PLCE1: variants seen among roughly 807,000 people sequenced by gnomAD.
The protein encoded by PLCE1 is 1-phosphatidylinositol 4,5-bisphosphate phosphodiesterase epsilon-1.
A neutral mutation model predicts 242.8 loss-of-function variants in PLCE1; 119 were observed. The observed-to-expected ratio is 0.49, with a 90% confidence interval of 0.42 to 0.57. The LOEUF (loss-of-function observed/expected upper bound fraction) is 0.57, where lower values mean the gene tolerates loss of function less well. Among genes scored for constraint, PLCE1 ranks in the 20% least tolerant of loss-of-function variants. The pLI is 0.00. For synonymous variants in PLCE1, 945 were observed against 1,017.4 expected (o/e 0.93, Z 1.35); for missense variants, 2,441 against 2,788.8 (o/e 0.88, Z 2.81).
Position 94,246,542 on chromosome 10 carries a change from C to G in PLCE1, c.3017C>G (p.Thr1006Ser). 6.2e-7 allele frequency: 1 copy of G among 1,614,130 alleles called. No individual in the cohort carries two copies. Among genetic ancestry groups the G allele is most frequent in the Non-Finnish European group, 8.5e-7 (1 of 1,179,966 alleles). ...KMLFSGLLEL[T>S]RAVRKMRKFP... The stretch of plus-strand genomic sequence containing the variant: ...CTCTTCAGCGGATTATTGGAACTCA[C>G]TAGAGCTGTGAGAAAGATGAGGAAA... Residue 1006 changes from threonine (T) to serine (S), a missense_variant, in exon 8 of 33, where the codon ACT (threonine) becomes AGT (serine). Coordinates refer to ENST00000371380, the MANE Select transcript of PLCE1 (RefSeq NM_016341.4).
At chr10:94,019,767 A>G (rs545769656) in intron 1 of PLCE1, among the ~76,000 whole-genome samples, 1 of 148,910 alleles carries the variant, frequency 6.7e-6, no homozygotes, top group African/African-American at 2.6e-5. Flanking sequence ...AACTTCAAAT[A>G]AATAGATGCA....
At chr10:94,178,617 G>T (rs940630485) in intron 4 of PLCE1, among the ~76,000 whole-genome samples, 1 of 152,188 alleles carries the variant, frequency 6.6e-6, no homozygotes, top group African/African-American at 2.4e-5. Context: ...GTAAAGAGTA[G>T]TAAGAATAAA....
At chr10:94,001,064 G>A (rs1409452195) in intron 1 of PLCE1, among the ~76,000 whole-genome samples, 1 of 152,150 alleles carries the variant, frequency 6.6e-6, no homozygotes, top group Non-Finnish European at 1.5e-5. Context: ...AAGCCAAAAA[G>A]GCTCATAGGT....
chr10:94,149,233 G>A (rs900661780), intron 3 of PLCE1, among the ~76,000 whole-genome samples: 7 of 152,164 alleles, frequency 4.6e-5, no homozygotes, highest in African/African-American at 9.7e-5. Context: ...TGGCACAGTC[G>A]GCATAGCCAG....
chr10:94,161,613 T>G (rs1451171156), intron 3 of PLCE1, among the ~76,000 whole-genome samples: 1 of 152,232 alleles, frequency 6.6e-6, no homozygotes, highest in Non-Finnish European at 1.5e-5. Flanking sequence ...AGGGACAATT[T>G]GACTTCTTCT....
intron 4 of PLCE1, among the ~76,000 whole-genome samples, chr10:94,210,163 G>A (rs147675622): frequency 7.6e-4 from 114 of 150,366 alleles, no homozygotes; most frequent in African/African-American, 2.6e-3. Context: ...AAGATGTCAC[G>A]TTTTAATATT....
intron 3 of PLCE1, among the ~76,000 whole-genome samples, chr10:94,154,498 A>G (rs1564737996): frequency 6.6e-6 from 1 of 152,234 alleles, no homozygotes; most frequent in African/African-American, 2.4e-5. Flanking sequence ...ATCAAAGGAC[A>G]CTATCAACAG....
In PLCE1 at chr10:94,308,671, C is replaced by T. The variant is rs1350630025; in HGVS notation, c.5975C>T (p.Ser1992Phe). Residue 1992 changes from serine to phenylalanine, a missense_variant, in exon 27 of 33, where the codon TCC becomes TTC. Ser to Phe is a radical substitution (Grantham distance 155). This residue lies in a region of PLCE1 where 1,004 missense variants were observed against 1,322.7 expected (regional missense o/e 0.76). Transcript: ENST00000371380. ...FINSRRMEEN[S>F]SGNTMSASSM... is the part of the protein sequence containing the mutation. ...AACAGCAGAAGGATGGAAGAAAATT[C>T]CTCTGGCAATACCATGTCAGCCTCT... The T allele has an allele frequency of 1.9e-6, 3 of 1,607,366 alleles. No homozygotes were observed. In the Admixed American group the frequency reaches 5.0e-5, roughly 27 times the overall value.
At chr10:94,243,594 C>T (rs2050582546) in intron 7 of PLCE1, among the ~76,000 whole-genome samples, 2 of 152,122 alleles carry the variant, frequency 1.3e-5, no homozygotes, top group Non-Finnish European at 2.9e-5. Context: ...CTAAAACTAT[C>T]CTAAAATTAA....
chr10:94,203,344 T>TA (rs1334353832), intron 4 of PLCE1, among the ~76,000 whole-genome samples: 1 of 152,214 alleles, frequency 6.6e-6, no homozygotes, highest in Non-Finnish European at 1.5e-5. Flanking sequence ...GACCCATCTT[T>TA]ACATTTGCTA....
chr10:94,022,912 A>G (rs183206469), intron 1 of PLCE1, among the ~76,000 whole-genome samples: 1 of 152,270 alleles, frequency 6.6e-6, no homozygotes, highest in Non-Finnish European at 1.5e-5. Context: ...ATTAAGACTA[A>G]CTATATGTCT....
intron 4 of PLCE1, among the ~76,000 whole-genome samples, chr10:94,188,767 G>A (rs978207177): frequency 3.3e-5 from 5 of 151,912 alleles, no homozygotes; most frequent in South Asian, 2.1e-4. Flanking sequence ...CACCACTCCC[G>A]GCTAATTTTT....
chr10:94,186,055 T>A lies in PLCE1; in HGVS notation c.1809+14559T>A, dbSNP rs1485597012. 2.0e-5 allele frequency among the ~76,000 whole-genome samples: 3 copies of A among 152,354 alleles called. No individual in the cohort carries two copies. In the East Asian group the frequency reaches 5.8e-4, roughly 29 times the overall value. On this transcript the variant is annotated intron_variant, in intron 4 of 32. Coordinates refer to ENST00000371380, the MANE Select transcript of PLCE1 (RefSeq NM_016341.4). ...TCCTTAAAACAGGCGGAATTCTTTCTCCTTACAAATTCCACTTGTCAGTCC... is the reference window on the plus strand; with the variant it reads ...TCCTTAAAACAGGCGGAATTCTTTCACCTTACAAATTCCACTTGTCAGTCC...
chr10:94,041,025 T>A lies in PLCE1; in HGVS notation c.1206+8773T>A, dbSNP rs544151781. Among the ~76,000 whole-genome samples the A allele has an allele frequency of 2.6e-5, 4 of 152,238 alleles. No homozygotes were observed. The South Asian group carries it at 8.3e-4, about 32-fold the overall frequency. On this transcript the variant is annotated intron_variant, in intron 2 of 32. Coordinates refer to ENST00000371380, the MANE Select transcript of PLCE1 (RefSeq NM_016341.4). ...CCTGCAGAAACTAAAATATTTGTTATCTTGTCCTTTACATGAAACCTTTGC... is the reference window on the plus strand; with the variant it reads ...CCTGCAGAAACTAAAATATTTGTTAACTTGTCCTTTACATGAAACCTTTGC...
chr10:94,024,362 T>C (rs1398575062), intron 1 of PLCE1, among the ~76,000 whole-genome samples: 2 of 152,168 alleles, frequency 1.3e-5, no homozygotes, highest in Non-Finnish European at 2.9e-5. Flanking sequence ...GATGGTGAAA[T>C]TACTGAGTAA....
At chr10:94,229,562 C>T (rs2050071999) in intron 5 of PLCE1, among the ~76,000 whole-genome samples, 1 of 152,158 alleles carries the variant, frequency 6.6e-6, no homozygotes, top group Non-Finnish European at 1.5e-5. Context: ...GAGATGTGGA[C>T]CATGGGAGGC....
At chr10:94,055,407 C>G (rs942253843) in intron 2 of PLCE1, among the ~76,000 whole-genome samples, 4 of 151,932 alleles carry the variant, frequency 2.6e-5, no homozygotes, top group African/African-American at 9.7e-5. Context: ...ACCCCACCCC[C>G]CGGGTTCAAG....
At chr10:94,134,235 A>G (rs1053720786) in intron 3 of PLCE1, among the ~76,000 whole-genome samples, 1 of 151,954 alleles carries the variant, frequency 6.6e-6, no homozygotes, top group Non-Finnish European at 1.5e-5. Context: ...AGTAGCTGGG[A>G]CCACAGGCAC....
intron 3 of PLCE1, among the ~76,000 whole-genome samples, chr10:94,169,253 G>T (rs1288135052): frequency 6.6e-6 from 1 of 152,182 alleles, no homozygotes; most frequent in Admixed American, 6.5e-5. Context: ...AGGGACTGTG[G>T]GTTACCTGGT....
Sources: gnomAD v4.1 joint callset for allele counts (sites outside exome capture counted in the v4.1 genomes callset) on GRCh38, gnomAD v4.1.1 for gene constraint, gnomAD v4.1.1 regional missense constraint, MANE v1.5 for transcripts, NCBI Gene and HGNC (gene_info 2026-07-23, HGNC 2026-07-21) for gene names.